Variants in TBL1X observed in about 807,000 individuals in gnomAD.
TBL1X encodes the protein transducin beta like 1 X-linked, also known as F-box-like/WD repeat-containing protein TBL1X.
TBL1X carries 10 observed loss-of-function variants against 50.7 expected under a neutral mutation model. That is an observed-to-expected ratio of 0.20 (90% CI 0.12 to 0.33). The LOEUF is 0.33. TBL1X is among the 10% of genes least tolerant of loss of function. TBL1X has a pLI of 1.00. For missense variants in TBL1X, 340 were observed against 504.4 expected (o/e 0.67, Z 3.12); for synonymous variants, 190 against 214.7 (o/e 0.88, Z 1.01).
rs3043994 is a variant in TBL1X, at chrX:9,684,598, T to TAAA, written c.357+426_357+428dup. The stretch of plus-strand genomic sequence containing the variant: ...TGCAGTGAGACTCCATCTCTAAAAT[T>TAAA]AAAAAAAAAAAAAAAAAAGGAAGAA... On this transcript the variant is annotated intron_variant, in intron 6 of 17. Coordinates refer to ENST00000645353, the MANE Select transcript of TBL1X (RefSeq NM_005647.4). Among the ~76,000 whole-genome samples, 59 of 51,271 alleles carry TAAA rather than the reference T, an allele frequency of 1.2e-3. 1 individual carries two copies. The highest frequency in any genetic ancestry group is 5.8e-3 in the South Asian group (2 of 345). 44.5% of individuals were successfully genotyped at this position (51,271 alleles called of 115,157 possible).
At chrX:9,653,134 C>T (rs2082845833) in intron 3 of TBL1X, among the ~76,000 whole-genome samples, 1 of 112,846 alleles carries the variant, frequency 8.9e-6, no homozygotes, top group Non-Finnish European at 1.9e-5. Context: ...CACTGCACTC[C>T]GGCCTGGCAA....
chrX:9,655,806 C>G (rs1358395938), intron 5 of TBL1X, among the ~76,000 whole-genome samples: 1 of 112,060 alleles, frequency 8.9e-6, no homozygotes, highest in Non-Finnish European at 1.9e-5. Context: ...AGACTGTACG[C>G]ATTGGAGCCA....
At chrX:9,490,604 C>CCAGTTGG (rs1021484551) in intron 1 of TBL1X, among the ~76,000 whole-genome samples, 1 of 111,857 alleles carries the variant, frequency 8.9e-6, no homozygotes, top group Non-Finnish European at 1.9e-5. Flanking sequence ...AAGACTGTTC[C>CCAGTTGG]AACTGGGAAG....
intron 5 of TBL1X, among the ~76,000 whole-genome samples, chrX:9,679,528 G>A (rs905231801): frequency 4.5e-5 from 5 of 112,105 alleles, no homozygotes; most frequent in African/African-American, 6.5e-5. Flanking sequence ...ACCCTCACAC[G>A]ATCTTTCATC....
chrX:9,600,886 G>A (rs1400081565), intron 2 of TBL1X, among the ~76,000 whole-genome samples: 1 of 111,338 alleles, frequency 9.0e-6, no homozygotes, highest in South Asian at 3.8e-4. Context: ...GCTTAAGGAC[G>A]GTGCTGGCGT....
chrX:9,481,900 A>G (rs2081884685), intron 1 of TBL1X, among the ~76,000 whole-genome samples: 1 of 112,473 alleles, frequency 8.9e-6, no homozygotes, highest in African/African-American at 3.2e-5. Context: ...TAATTGTTCT[A>G]GCTGACCTTA....
At chrX:9,561,659 C>T (rs1057001043) in intron 2 of TBL1X, among the ~76,000 whole-genome samples, 1 of 112,083 alleles carries the variant, frequency 8.9e-6, no homozygotes, top group Non-Finnish European at 1.9e-5. Context: ...TAGAAATATA[C>T]GTGTTCATAT....
intron 1 of TBL1X, among the ~76,000 whole-genome samples, chrX:9,491,332 ATATATAT>A (rs1226948080): frequency 3.0e-4 from 7 of 23,184 alleles, no homozygotes; most frequent in African/African-American, 1.1e-3. Context: ...ATATATATAT[ATATATAT>A]TTTTTTTTTT....
At chrX:9,531,527 T>C (rs1317560943) in intron 2 of TBL1X, among the ~76,000 whole-genome samples, 1 of 110,223 alleles carries the variant, frequency 9.1e-6, no homozygotes, top group Non-Finnish European at 1.9e-5. Context: ...ATACCACGAA[T>C]ATTTTGTACA....
At chrX:9,549,841 G>A (rs977791060) in intron 2 of TBL1X, among the ~76,000 whole-genome samples, 2 of 111,530 alleles carry the variant, frequency 1.8e-5, no homozygotes, top group Admixed American at 9.6e-5. Flanking sequence ...GATCTCACAC[G>A]AATGGTTCAG....
At chrX:9,644,690 C>G (rs1193752263) in intron 3 of TBL1X, 1 of 108,764 alleles carries the variant, frequency 9.2e-6, no homozygotes, top group African/African-American at 3.4e-5. Flanking sequence ...GAGGCTCGCT[C>G]TGTCATCCTG....
intron 12 of TBL1X, among the ~76,000 whole-genome samples, chrX:9,703,834 C>T (rs1376807622): frequency 4.5e-5 from 5 of 112,118 alleles, no homozygotes; most frequent in Non-Finnish European, 5.6e-5. Context: ...AGAGGCAGAA[C>T]GAGGAATGAG....
intron 2 of TBL1X, among the ~76,000 whole-genome samples, chrX:9,504,734 C>G (rs2082017856): frequency 9.0e-6 from 1 of 111,606 alleles, no homozygotes; most frequent in African/African-American, 3.3e-5. Flanking sequence ...GTTTGAAGAC[C>G]ACCTTACTGA....
intron 2 of TBL1X, among the ~76,000 whole-genome samples, chrX:9,621,410 T>C (rs1483911039): frequency 8.9e-6 from 1 of 112,198 alleles, no homozygotes; most frequent in East Asian, 2.8e-4. Flanking sequence ...ACCAGCCATC[T>C]GGAGACTTCT....
At chrX:9,613,282 C>T (rs186504731) in intron 2 of TBL1X, among the ~76,000 whole-genome samples, 289 of 111,569 alleles carry the variant, frequency 2.6e-3, no homozygotes, top group African/African-American at 9.3e-3. Context: ...GGAGAATTTC[C>T]GCTGCTGCAG....
chrX:9,688,165 C>T lies in TBL1X; in HGVS notation c.506C>T (p.Thr169Met), dbSNP rs768285076. ...GCGGCGGCGGCGGCGGCTGCGGCCA[C>T]GGCAGCAGCGACAGCAGCCACCACG... is the stretch of plus-strand genomic sequence containing the variant. ...ASAAAAAAAA[T>M]AAATAATTTS... Residue 169 changes from threonine to methionine, a missense_variant, in exon 7 of 18, where the codon ACG becomes ATG. Transcript: ENST00000645353. The T allele has an allele frequency of 2.6e-5, 31 of 1,195,546 alleles. No homozygotes were observed. The highest frequency in any genetic ancestry group is 1.6e-4 in the Admixed American group (7 of 43,851).
At chrX:9,652,850 C>CAA (rs750794158) in intron 3 of TBL1X, among the ~76,000 whole-genome samples, 281 of 55,380 alleles carry the variant, frequency 5.1e-3, no homozygotes, top group African/African-American at 0.017. Context: ...GACTCTGTCT[C>CAA]AAAAAAAAAA....
chrX:9,699,083 C>T (rs1174374081), intron 12 of TBL1X, among the ~76,000 whole-genome samples: 1 of 111,748 alleles, frequency 8.9e-6, no homozygotes, highest in African/African-American at 3.3e-5. Flanking sequence ...CATGCTCAAG[C>T]GATTCTCCTG....
At chrX:9,528,291 G>A (rs1176686689) in intron 2 of TBL1X, among the ~76,000 whole-genome samples, 1 of 111,421 alleles carries the variant, frequency 9.0e-6, no homozygotes, top group Non-Finnish European at 1.9e-5. Flanking sequence ...ATGTCCTTGA[G>A]GTTCTCCCAT....
Sources: allele counts gnomAD v4.1 joint callset (sites outside exome capture counted in the v4.1 genomes callset), GRCh38; gene constraint gnomAD v4.1.1; transcripts MANE v1.5; gene names NCBI Gene and HGNC (gene_info 2026-07-23, HGNC 2026-07-21).